The following INPP4A variants were observed in gnomAD, a reference collection of about 807,000 sequenced individuals.
The protein encoded by INPP4A is inositol polyphosphate-4-phosphatase, type I, 107kD.
A neutral mutation model predicts 119.8 loss-of-function variants in INPP4A; 33 were observed. The observed-to-expected ratio is 0.28, with a 90% CI of 0.21 to 0.37. INPP4A has a LOEUF of 0.37. Ranked by LOEUF, INPP4A falls within the 10% of genes least tolerant of loss-of-function variation. The pLI, the probability that INPP4A is intolerant of heterozygous loss-of-function variation, is 1.00. For missense variants in INPP4A, 956 were observed against 1,289.9 expected (o/e 0.74, Z 3.97); for synonymous variants, 496 against 500.7 (o/e 0.99, Z 0.12).
At chr2:98,466,520 C>T (rs1352404307) in intron 1 of INPP4A, among the ~76,000 whole-genome samples, 1 of 152,192 alleles carries the variant, frequency 6.6e-6, no homozygotes, top group African/African-American at 2.4e-5. Flanking sequence ...TCATTTAATC[C>T]TCTGGACACC....
chr2:98,465,855 G>A (rs1373847677), intron 1 of INPP4A, among the ~76,000 whole-genome samples: 5 of 152,170 alleles, frequency 3.3e-5, no homozygotes, highest in East Asian at 3.9e-4. Context: ...TGGTTTCGGC[G>A]CAGTACTTGA....
intron 1 of INPP4A, among the ~76,000 whole-genome samples, chr2:98,479,054 C>G (rs1007776247): frequency 6.6e-6 from 1 of 152,184 alleles, no homozygotes; most frequent in African/African-American, 2.4e-5. Context: ...AGGTCGGGCA[C>G]TTCCTCCCGG....
chr2:98,577,773 A>G (rs1404973650), intron 24 of INPP4A, among the ~76,000 whole-genome samples: 1 of 152,154 alleles, frequency 6.6e-6, no homozygotes, highest in African/African-American at 2.4e-5. Context: ...AAAAGTGTCT[A>G]CTGTTGATCG....
rs1268580364 is a variant in INPP4A at position 98,533,491 on chromosome 2, T to C, written c.266T>C (p.Ile89Thr). 1.3e-6 allele frequency: 2 copies of C among 1,592,142 alleles called. No homozygotes were observed. Among genetic ancestry groups the C allele is most frequent in the East Asian group, 2.2e-5 (1 of 44,764 alleles). ...FWTKHAQTEIIEGTNNPIFLS... is the reference protein window; with the variant it reads ...FWTKHAQTEITEGTNNPIFLS... ...ACGAAGCATGCACAGACGGAGATCA[T>C]TGAGGTGGGTGCTGGTGGTCTCTCT... The change falls in exon 5 of 25, where the codon ATT becomes ACT. Residue 89 changes from isoleucine (I) to threonine (T), a missense_variant. Around this residue, in one of 2 missense-constraint regions of INPP4A, gnomAD observed 652 missense variants for 797.9 expected, o/e 0.82. Transcript: ENST00000409851.
intron 24 of INPP4A, among the ~76,000 whole-genome samples, chr2:98,581,310 A>G (rs954055554): frequency 6.6e-6 from 1 of 151,586 alleles, no homozygotes; most frequent in African/African-American, 2.4e-5. Flanking sequence ...AGATTGCAGT[A>G]TTTTTTCTTA....
chr2:98,509,374 C>T (rs1428638675), intron 1 of INPP4A, among the ~76,000 whole-genome samples: 1 of 152,120 alleles, frequency 6.6e-6, no homozygotes, highest in East Asian at 1.9e-4. Flanking sequence ...TTGTGAACTG[C>T]GTATGTGAGG....
intron 5 of INPP4A, among the ~76,000 whole-genome samples, chr2:98,533,861 C>T (rs1206638919): frequency 6.6e-6 from 1 of 152,140 alleles, no homozygotes; most frequent in African/African-American, 2.4e-5. Context: ...TAACTATTTA[C>T]CACCCTCTTG....
At chr2:98,520,640 G>A in intron 3 of INPP4A, 47 bp from the exon 4 acceptor site, 1 of 1,248,120 alleles carries the variant, frequency 8.0e-7, no homozygotes, top group Middle Eastern at 1.9e-4. Flanking sequence ...TGAAAACAGA[G>A]AAAAGTTTAT....
At chr2:98,515,296 G>A (rs1365862012) in intron 1 of INPP4A, among the ~76,000 whole-genome samples, 1 of 152,156 alleles carries the variant, frequency 6.6e-6, no homozygotes, top group African/African-American at 2.4e-5. Context: ...TTTCTTAGAG[G>A]CTGCTGACTC....
intron 1 of INPP4A, among the ~76,000 whole-genome samples, chr2:98,471,755 G>T (rs573714169): frequency 1.3e-5 from 2 of 152,292 alleles, no homozygotes; most frequent in South Asian, 4.2e-4. Flanking sequence ...GTTTGCCGCA[G>T]CCCCCTAGCC....
At position 98,570,291 on chromosome 2, in the gene INPP4A, C is replaced by G. The variant is rs1218161467; in HGVS notation, c.2518+1623C>G. The stretch of plus-strand genomic sequence containing the variant: ...CACTGAGTGACAAGACGAGAAGGGG[C>G]TGGAACAGCATCTGGAGGGGCCCCT... On this transcript the variant is annotated intron_variant, in intron 22 of 24. Coordinates refer to ENST00000409851, the MANE Select transcript of INPP4A (RefSeq NM_001134225.2). The surrounding 1 kb of genome is among the most constrained non-coding windows in gnomAD (Gnocchi z 4.3). Among the ~76,000 whole-genome samples the G allele has an allele frequency of 6.6e-6, 1 of 152,158 alleles. No homozygotes were observed. Among genetic ancestry groups the G allele is most frequent in the Non-Finnish European group, 1.5e-5 (1 of 68,038 alleles).
chr2:98,504,452 A>T (rs549509075), intron 1 of INPP4A, among the ~76,000 whole-genome samples: 1 of 152,222 alleles, frequency 6.6e-6, no homozygotes, highest in Non-Finnish European at 1.5e-5. Context: ...TTGTGTTTCC[A>T]TGGGACCTAG....
At chr2:98,476,732 A>G (rs1214400747) in intron 1 of INPP4A, among the ~76,000 whole-genome samples, 2 of 152,184 alleles carry the variant, frequency 1.3e-5, no homozygotes, top group East Asian at 1.9e-4. Context: ...AGAATGGCCA[A>G]GATAGCCTTG....
At position 98,463,121 on chromosome 2, in the gene INPP4A, C is replaced by T. The variant is rs190204851; in HGVS notation, c.-166+18036C>T. The stretch of plus-strand genomic sequence containing the variant: ...CCTCCGAAAGTGCTGGGATTACAGA[C>T]GTGAGCCACCGCGCCCAGCCCACAG... On this transcript the variant is annotated intron_variant, in intron 1 of 24. Transcript: ENST00000409851. 5.2e-3 allele frequency among the ~76,000 whole-genome samples: 795 copies of T among 152,298 alleles called. 12 individuals carry two copies. Among genetic ancestry groups the T allele is most frequent in the African/African-American group, 0.018 (737 of 41,554 alleles).
In INPP4A at chr2:98,547,180, G is replaced by A. The variant is rs6705806; in HGVS notation, c.1163+486G>A. Among the ~76,000 whole-genome samples the A allele has an allele frequency of 3.4e-3, 523 of 152,336 alleles. 8 individuals carry two copies. The highest frequency in any genetic ancestry group is 0.012 in the African/African-American group (483 of 41,574). On this transcript the variant is annotated intron_variant, in intron 13 of 24. Coordinates refer to ENST00000409851, the MANE Select transcript of INPP4A (RefSeq NM_001134225.2). ...GAAGGGCATTTCAGACAAAGACATG[G>A]CAGAAGCATTGCACATGGTGAAATG...
intron 1 of INPP4A, among the ~76,000 whole-genome samples, chr2:98,510,416 C>T (rs564725097): frequency 1.3e-5 from 2 of 152,320 alleles, no homozygotes; most frequent in African/African-American, 4.8e-5. Flanking sequence ...ATCCATGTCC[C>T]TATCCAAGGT....
At chr2:98,476,527 G>A (rs1422317623) in intron 1 of INPP4A, among the ~76,000 whole-genome samples, 1 of 152,160 alleles carries the variant, frequency 6.6e-6, no homozygotes, top group Non-Finnish European at 1.5e-5. Context: ...AGTCAGGGAG[G>A]CTCTCAGCTG....
intron 17 of INPP4A, among the ~76,000 whole-genome samples, chr2:98,561,934 A>G (rs542644589): frequency 2.6e-4 from 40 of 152,248 alleles, no homozygotes; most frequent in Non-Finnish European, 5.9e-4. Context: ...CTTCAAAGAA[A>G]CAAAAACATG....
chr2:98,538,674 A>G (rs1690788727), intron 8 of INPP4A, among the ~76,000 whole-genome samples: 1 of 152,222 alleles, frequency 6.6e-6, no homozygotes, highest in African/African-American at 2.4e-5. Flanking sequence ...TGACTGAGAA[A>G]CCATGCATGC....
Sources: gnomAD v4.1 joint callset for allele counts (sites outside exome capture counted in the v4.1 genomes callset) on GRCh38, gnomAD v4.1.1 for gene constraint, gnomAD v4.1.1 regional missense constraint, Gnocchi (gnomAD v3.1) non-coding constraint, MANE v1.5 for transcripts, NCBI Gene and HGNC (gene_info 2026-07-23, HGNC 2026-07-21) for gene names.